Variants in OLFM3 observed in about 807,000 individuals in gnomAD.
OLFM3 encodes noelin-3.
Under a neutral mutation model 48.6 loss-of-function variants are expected in OLFM3, and 20 were observed. That is an observed-to-expected ratio of 0.41 (90% CI 0.29 to 0.60). The LOEUF is 0.60. OLFM3 is among the 20% of genes least tolerant of loss of function. The pLI, the probability that OLFM3 is intolerant of heterozygous loss-of-function variation, is 0.28. For missense variants in OLFM3, 437 were observed against 544.3 expected, an observed-to-expected ratio of 0.80 and a Z score of 1.96; for synonymous variants, 222 against 198.1, an observed-to-expected ratio of 1.12 and a Z score of -1.01.
intron 4 of OLFM3, among the ~76,000 whole-genome samples, chr1:101,820,755 T>A (rs549238330): frequency 6.6e-6 from 1 of 152,110 alleles, no homozygotes; most frequent in South Asian, 2.1e-4. Flanking sequence ...GTTTTTAGCA[T>A]CTTAAAATTC....
chr1:101,971,618 G>A (rs918216320), intron 1 of OLFM3, among the ~76,000 whole-genome samples: 1 of 152,034 alleles, frequency 6.6e-6, no homozygotes, highest in African/African-American at 2.4e-5. Context: ...TATTTAATTG[G>A]GTATATGGTA....
intron 1 of OLFM3, among the ~76,000 whole-genome samples, chr1:101,866,561 G>A (rs2100970479): frequency 1.3e-5 from 2 of 151,800 alleles, no homozygotes; most frequent in South Asian, 4.2e-4. Flanking sequence ...TTTAAAATCT[G>A]GTTAATGTTA....
At chr1:101,977,375 T>C (rs1557754532) in intron 1 of OLFM3, among the ~76,000 whole-genome samples, 1 of 152,192 alleles carries the variant, frequency 6.6e-6, no homozygotes, top group Non-Finnish European at 1.5e-5. Flanking sequence ...TTTCCTTCAG[T>C]ACTAACTGTG....
chr1:101,875,772 G>GTCA (rs4041566), intron 1 of OLFM3, among the ~76,000 whole-genome samples: 76,851 of 151,334 alleles, frequency 0.51, 19,904 homozygotes, highest in Non-Finnish European at 0.56. Flanking sequence ...GTTGGAGAAT[G>GTCA]TCAATTCTCA....
intron 1 of OLFM3, among the ~76,000 whole-genome samples, chr1:101,946,640 T>G (rs1178119967): frequency 6.6e-6 from 1 of 152,216 alleles, no homozygotes; most frequent in Non-Finnish European, 1.5e-5. Flanking sequence ...GTAACACTGT[T>G]TATACTGAAT....
At chr1:101,979,337 C>A (rs1411871249) in intron 1 of OLFM3, among the ~76,000 whole-genome samples, 1 of 152,128 alleles carries the variant, frequency 6.6e-6, no homozygotes, top group Non-Finnish European at 1.5e-5. Flanking sequence ...GTGTCCCCAC[C>A]TAAATCTCAC....
At chr1:101,806,416 GA>G (rs1280860566) in intron 4 of OLFM3, among the ~76,000 whole-genome samples, 2 of 151,734 alleles carry the variant, frequency 1.3e-5, no homozygotes, top group African/African-American at 4.8e-5. Context: ...TTTAAAGTGG[GA>G]AATGATTTGT....
chr1:101,939,588 A>G (rs1659725547), intron 1 of OLFM3, among the ~76,000 whole-genome samples: 1 of 152,188 alleles, frequency 6.6e-6, no homozygotes, highest in South Asian at 2.1e-4. Flanking sequence ...AACATTCTGG[A>G]GGCCCAGGAT....
At chr1:101,827,306 T>C (rs574988847) in intron 3 of OLFM3, among the ~76,000 whole-genome samples, 110 of 151,916 alleles carry the variant, frequency 7.2e-4, no homozygotes, top group Non-Finnish European at 1.4e-3. Context: ...GGAAATTGTG[T>C]AACAGAGGAA....
chr1:101,910,164 C>G (rs1658700377), intron 1 of OLFM3: 1 of 984,706 alleles, frequency 1.0e-6, no homozygotes, highest in South Asian at 4.7e-5. Context: ...GAGTATCTAT[C>G]ATGTTAAAAA....
At chr1:101,970,558 G>A (rs927088201) in intron 1 of OLFM3, among the ~76,000 whole-genome samples, 2 of 151,952 alleles carry the variant, frequency 1.3e-5, no homozygotes, top group Non-Finnish European at 2.9e-5. Context: ...AATATTTACT[G>A]GTACCTACTT....
rs182887447 is a variant in OLFM3, at chr1:101,916,612, A to G, written c.70-79587T>C. Among the ~76,000 whole-genome samples, 8 of 152,320 alleles carry G rather than the reference A, an allele frequency of 5.3e-5. No homozygotes were observed. In the East Asian group the frequency reaches 9.6e-4, roughly 18 times the overall value. ...AACTGTAGTTTTTGTTGAAGATGGTAGCCTTTCAACTGCTAAGGACAGTAT... is the reference window on the plus strand; with the variant it reads ...AACTGTAGTTTTTGTTGAAGATGGTGGCCTTTCAACTGCTAAGGACAGTAT... On this transcript the variant is annotated intron_variant, in intron 1 of 5. Transcript: ENST00000370103.
At chr1:101,905,042 G>A (rs1017045677) in intron 1 of OLFM3, among the ~76,000 whole-genome samples, 2 of 152,150 alleles carry the variant, frequency 1.3e-5, no homozygotes, top group African/African-American at 4.8e-5. Context: ...CTAAAAGAAG[G>A]TTTTGGTAGT....
intron 4 of OLFM3, among the ~76,000 whole-genome samples, chr1:101,822,323 A>G (rs1654649304): frequency 6.6e-6 from 1 of 152,178 alleles, no homozygotes; most frequent in Non-Finnish European, 1.5e-5. Context: ...ATTCAAAAAC[A>G]TAACTGACAT....
At chr1:101,988,478 C>T (rs1296690348) in intron 1 of OLFM3, among the ~76,000 whole-genome samples, 1 of 152,054 alleles carries the variant, frequency 6.6e-6, no homozygotes, top group Non-Finnish European at 1.5e-5. Flanking sequence ...GATAAGTAAC[C>T]TGGCATAAGA....
In OLFM3 at chr1:101,802,770, ATTTGT is replaced by A. The variant is rs981359992; in HGVS notation, c.*1463_*1467del. 1 of 151,654 alleles carries A rather than the reference ATTTGT, an allele frequency of 6.6e-6. No individual in the cohort carries two copies. Among genetic ancestry groups the A allele is most frequent in the African/African-American group, 2.4e-5 (1 of 41,382 alleles). The allele number at this position is 151,654 out of a possible 1,614,324, so 9.4% of individuals were successfully genotyped here. ...TGTGTGAAACTAAACATTTAAAACA[ATTTGT>A]TTTATTATTTATTATAGAATATACT... On this transcript the variant is annotated 3_prime_UTR_variant, in exon 6 of 6. Transcript: ENST00000370103.
At chr1:101,823,946 T>A (rs1375354135) in intron 4 of OLFM3, among the ~76,000 whole-genome samples, 1 of 150,238 alleles carries the variant, frequency 6.7e-6, no homozygotes, top group Non-Finnish European at 1.5e-5. Flanking sequence ...ATTTTGAGGC[T>A]GTGATAACTG....
At chr1:101,886,160 T>C (rs1657751477) in intron 1 of OLFM3, among the ~76,000 whole-genome samples, 1 of 152,004 alleles carries the variant, frequency 6.6e-6, no homozygotes, top group South Asian at 2.1e-4. Flanking sequence ...GTTTTTCCTT[T>C]TGAGTTCATG....
At chr1:101,806,271 T>C (rs1468780729) in intron 4 of OLFM3, 89 bp from the exon 5 acceptor site, 18 of 929,686 alleles carry the variant, frequency 1.9e-5, no homozygotes, top group Middle Eastern at 2.2e-4. Context: ...AAGGGGATCA[T>C]AAAACTAAGC....
Sources: gnomAD v4.1 joint callset for allele counts (sites outside exome capture counted in the v4.1 genomes callset) on GRCh38, gnomAD v4.1.1 for gene constraint, MANE v1.5 for transcripts, NCBI Gene and HGNC (gene_info 2026-07-23, HGNC 2026-07-21) for gene names.